STARD13: variants seen among roughly 807,000 people sequenced by gnomAD.
The protein encoded by STARD13 is StAR related lipid transfer domain containing 13.
In STARD13, 62 loss-of-function variants were observed where a neutral mutation model predicts 106.4. The observed-to-expected ratio is 0.58, with a 90% CI of 0.48 to 0.72. STARD13 has a LOEUF of 0.72. STARD13 is among the 30% of genes least tolerant of loss of function. The pLI, the probability that STARD13 is intolerant of heterozygous loss-of-function variation, is 0.00. For synonymous variants in STARD13, 565 were observed against 553.0 expected, an observed-to-expected ratio of 1.02 and a Z score of -0.31; for missense variants, 1,387 against 1,424.0, an observed-to-expected ratio of 0.97 and a Z score of 0.42.
intron 1 of STARD13, among the ~76,000 whole-genome samples, chr13:33,332,962 T>C (rs2077853755): frequency 6.6e-6 from 1 of 152,176 alleles, no homozygotes; most frequent in African/African-American, 2.4e-5. Context: ...AATAAAATCA[T>C]ATAATTTGGG....
chr13:33,120,930 A>G (rs978659716), intron 7 of STARD13, among the ~76,000 whole-genome samples: 1 of 152,160 alleles, frequency 6.6e-6, no homozygotes, highest in African/African-American at 2.4e-5. Flanking sequence ...TAGTAGAGAC[A>G]GGATTTCGCC....
chr13:33,286,509 G>A (rs926343760), upstream of STARD13, among the ~76,000 whole-genome samples: 1 of 152,186 alleles, frequency 6.6e-6, no homozygotes, highest in Non-Finnish European at 1.5e-5. Context: ...AAGAATCACT[G>A]CAGAAGTTGC....
the STARD13 span, among the ~76,000 whole-genome samples, chr13:33,473,000 T>A: frequency 6.6e-6 from 1 of 152,140 alleles, no homozygotes; most frequent in Admixed American, 6.6e-5. Context: ...GAGTAATGCC[T>A]CATAAACATA....
At chr13:33,588,752 C>A in the STARD13 span, among the ~76,000 whole-genome samples, 5 of 152,206 alleles carry the variant, frequency 3.3e-5, no homozygotes, top group Non-Finnish European at 7.3e-5. Flanking sequence ...TCAAAGGTCA[C>A]TTCCTCTTAG....
the STARD13 span, among the ~76,000 whole-genome samples, chr13:33,399,326 G>C: frequency 6.6e-6 from 1 of 152,084 alleles, no homozygotes; most frequent in Non-Finnish European, 1.5e-5. Flanking sequence ...CCAGGGGATG[G>C]GGTGTAGGGG....
chr13:33,178,611 C>T (rs913760986), intron 1 of STARD13, among the ~76,000 whole-genome samples: 3 of 152,156 alleles, frequency 2.0e-5, no homozygotes, highest in Non-Finnish European at 2.9e-5. Flanking sequence ...CTAACAGGAG[C>T]CAGGAAATTC....
At chr13:33,127,896 A>T (rs545981788) in intron 5 of STARD13, among the ~76,000 whole-genome samples, 200 of 151,988 alleles carry the variant, frequency 1.3e-3, no homozygotes, top group African/African-American at 4.6e-3. Flanking sequence ...AGAGAGAGAG[A>T]GAGAGAAACA....
At chr13:33,653,738 A>G in the STARD13 span, among the ~76,000 whole-genome samples, 1 of 150,252 alleles carries the variant, frequency 6.7e-6, no homozygotes, top group Non-Finnish European at 1.5e-5. Flanking sequence ...AAGTGAAAAG[A>G]TAAACCACAA....
the STARD13 span, among the ~76,000 whole-genome samples, chr13:33,413,411 G>A: frequency 9.9e-5 from 15 of 151,946 alleles, no homozygotes; most frequent in Admixed American, 3.9e-4. Context: ...TAATAAAGAC[G>A]AGAGCAGAAG....
intron 3 of STARD13, among the ~76,000 whole-genome samples, chr13:33,156,080 A>T (rs1881937671): frequency 6.6e-6 from 1 of 152,246 alleles, no homozygotes; most frequent in African/African-American, 2.4e-5. Context: ...CATTACCATA[A>T]AATTTCCATG....
chr13:33,233,561 T>G (rs1033722222), intron 1 of STARD13, among the ~76,000 whole-genome samples: 1 of 152,210 alleles, frequency 6.6e-6, no homozygotes, highest in African/African-American at 2.4e-5. Context: ...CATCCTTCAG[T>G]TGTTCACATG....
At chr13:33,175,171 A>G (rs1414598177) in intron 1 of STARD13, among the ~76,000 whole-genome samples, 1 of 152,228 alleles carries the variant, frequency 6.6e-6, no homozygotes. Context: ...CAAGTTTTCC[A>G]TGAAGCAGAG....
intron 1 of STARD13, among the ~76,000 whole-genome samples, chr13:33,264,636 C>T (rs939293319): frequency 2.6e-5 from 4 of 152,094 alleles, no homozygotes; most frequent in African/African-American, 4.8e-5. Flanking sequence ...CATATAAATA[C>T]GGGACAAGAA....
the STARD13 span, among the ~76,000 whole-genome samples, chr13:33,409,764 C>T: frequency 6.6e-6 from 1 of 152,286 alleles, no homozygotes; most frequent in Admixed American, 6.5e-5. Context: ...CATTTCAGAA[C>T]ATGACAGGTC....
At chr13:33,451,129 C>T in the STARD13 span, among the ~76,000 whole-genome samples, 63 of 152,272 alleles carry the variant, frequency 4.1e-4, 1 homozygote, top group East Asian at 5.8e-4. Context: ...ATCCTTCCAC[C>T]TCTATCTCCT....
At chr13:33,117,373 A>G (rs1279485274) in intron 8 of STARD13, among the ~76,000 whole-genome samples, 1 of 152,150 alleles carries the variant, frequency 6.6e-6, no homozygotes, top group Non-Finnish European at 1.5e-5. Flanking sequence ...CACCTCCCAA[A>G]GTGCTGGGAT....
intron 1 of STARD13, among the ~76,000 whole-genome samples, chr13:33,333,084 A>T (rs750326948): frequency 9.2e-5 from 14 of 152,196 alleles, no homozygotes; most frequent in Non-Finnish European, 1.9e-4. Flanking sequence ...GATGACAAAC[A>T]TATTTTTAAA....
chr13:33,393,631 A>G, the STARD13 span, among the ~76,000 whole-genome samples: 6 of 152,362 alleles, frequency 3.9e-5, no homozygotes, highest in Admixed American at 3.3e-4. Flanking sequence ...AATAATCATG[A>G]TCAGAGTAAT....
intron 1 of STARD13, chr13:33,205,909 C>T (rs1342370758): frequency 5.1e-6 from 5 of 985,272 alleles, no homozygotes; most frequent in Non-Finnish European, 6.0e-6. Context: ...GAAAACTGCT[C>T]CTCAGAAACT....
Sources: allele counts gnomAD v4.1 joint callset (sites outside exome capture counted in the v4.1 genomes callset), GRCh38; gene constraint gnomAD v4.1.1; transcripts MANE v1.5; gene names NCBI Gene and HGNC (gene_info 2026-07-23, HGNC 2026-07-21).